Variants in NAT14 observed in about 807,000 individuals in gnomAD.
NAT14 encodes the protein N-acetyltransferase 14 (putative).
A neutral mutation model predicts 12.1 loss-of-function variants in NAT14; 14 were observed. The observed-to-expected ratio is 1.16, with a 90% CI of 0.76 to 1.81. The LOEUF (loss-of-function observed/expected upper bound fraction) is 1.81, where lower values mean the gene tolerates loss of function less well. Ranked by LOEUF, NAT14 falls within the 40% of genes most tolerant of loss-of-function variation. The probability of loss-of-function intolerance (pLI) is 0.00; values close to 1 mark genes in which losing one functional copy is unlikely to be tolerated. For missense variants in NAT14, 341 were observed against 304.3 expected (o/e 1.12, Z -0.90); for synonymous variants, 156 against 145.1 (o/e 1.08, Z -0.54).
chr19:55,486,271 C>A, intron 2 of NAT14, 137 bp from the exon 3 acceptor site: 1 of 1,163,922 alleles, frequency 8.6e-7, no homozygotes, highest in Non-Finnish European at 1.1e-6. Flanking sequence ...ACCCAGTGTG[C>A]CACACTGAAC....
intron 1 of NAT14, 77 bp from the exon 2 acceptor site, chr19:55,485,584 T>C (rs754966327): frequency 9.2e-6 from 7 of 761,454 alleles, no homozygotes; most frequent in Non-Finnish European, 1.5e-5. Flanking sequence ...GAAGTGCCGT[T>C]GCTGCTCCCT....
chr19:55,486,130 A>C, intron 2 of NAT14: 1 of 544,584 alleles, frequency 1.8e-6, no homozygotes, highest in Non-Finnish European at 3.2e-6. Flanking sequence ...CCTCCACTCC[A>C]GCCTGAGGCA....
chr19:55,487,382 G>A lies in NAT14; in HGVS notation c.*426G>A. 2.4e-6 allele frequency: 1 copy of A among 409,524 alleles called. No individual in the cohort carries two copies. The highest frequency in any genetic ancestry group is 4.3e-6 in the Non-Finnish European group (1 of 232,788). The allele number at this position is 409,524 out of a possible 1,614,324, so 25.4% of individuals were successfully genotyped here. A position where few individuals can be genotyped will look rare whatever the true frequency, so the allele number is the denominator to read the frequency against. ...AGGGTTTGCGACTCCGCCTCCCTGG[G>A]ACCTGGATTGGGTCAGATGCCTGTC... is the stretch of plus-strand genomic sequence containing the variant. On this transcript the variant is annotated 3_prime_UTR_variant, in exon 3 of 3. Coordinates refer to ENST00000205194, the MANE Select transcript of NAT14 (RefSeq NM_020378.4).
Position 55,487,280 on chromosome 19 carries a change from T to C in NAT14, c.*324T>C, listed in dbSNP as rs565709373. The C allele has an allele frequency of 1.2e-3, 524 of 452,800 alleles. 2 individuals carry two copies. The highest frequency in any genetic ancestry group is 9.4e-3 in the African/African-American group (460 of 49,006). 28.0% of individuals were successfully genotyped at this position (452,800 alleles called of 1,614,324 possible). On this transcript the variant is annotated 3_prime_UTR_variant, in exon 3 of 3. Coordinates refer to ENST00000205194, the MANE Select transcript of NAT14 (RefSeq NM_020378.4). ...CTCCCCGGGTGATGTCTGCAAAGTC[T>C]GTGCTGTCCGTGCCCCAGGCTGGGA...
At chr19:55,485,993 C>T (rs1353139326) in intron 2 of NAT14, 3 of 597,412 alleles carry the variant, frequency 5.0e-6, no homozygotes, top group East Asian at 2.7e-5. Context: ...CCAGCACCAA[C>T]GCCCTCCCTG....
intron 2 of NAT14, chr19:55,486,158 TC>T: frequency 1.7e-6 from 1 of 578,832 alleles, no homozygotes; most frequent in East Asian, 2.9e-5. Flanking sequence ...TGTCCTTACT[TC>T]CCTGGGGCCT....
In NAT14 at chr19:55,486,862, T is replaced by C. The variant is rs772204792; in HGVS notation, c.527T>C (p.Val176Ala). 2 of 1,462,976 alleles carry C rather than the reference T, an allele frequency of 1.4e-6. No individual in the cohort carries two copies. Among genetic ancestry groups the C allele is most frequent in the Non-Finnish European group, 1.8e-6 (2 of 1,114,702 alleles). The allele number at this position is 1,462,976 out of a possible 1,614,324, so 90.6% of individuals were successfully genotyped here. A position where few individuals can be genotyped will look rare whatever the true frequency, so the allele number is the denominator to read the frequency against. ...VVPVAVAAWG[V>A]GGMLEGCGYQ... is the part of the protein sequence containing the mutation. ...CCCGTGGCTGTGGCCGCCTGGGGGGTGGGAGGGATGCTGGAGGGCTGTGGC... is the reference window on the plus strand; with the variant it reads ...CCCGTGGCTGTGGCCGCCTGGGGGGCGGGAGGGATGCTGGAGGGCTGTGGC... Residue 176 changes from valine to alanine, a missense_variant, in exon 3 of 3, where the codon GTG becomes GCG. Physicochemically the swap from Val to Ala is moderately conservative, Grantham distance 64. Transcript: ENST00000205194.
chr19:55,487,117 T>G lies in NAT14; in HGVS notation c.*161T>G. 1 of 1,106,684 alleles carries G rather than the reference T, an allele frequency of 9.0e-7. No homozygotes were observed. Among genetic ancestry groups the G allele is most frequent in the Non-Finnish European group, 1.2e-6 (1 of 813,802 alleles). The allele number at this position is 1,106,684 out of a possible 1,614,324, so 68.6% of individuals were successfully genotyped here. On this transcript the variant is annotated 3_prime_UTR_variant, in exon 3 of 3. Coordinates refer to ENST00000205194, the MANE Select transcript of NAT14 (RefSeq NM_020378.4). ...GCCGAGGGGAGGAGCCTGGCCTCTG[T>G]CCACCCGTCAGCAGTGTGAAGTCTG... is the stretch of plus-strand genomic sequence containing the variant.
rs1986928739 is a variant in NAT14, at chr19:55,486,702, GC to G, written c.370del (p.Arg124GlyfsTer76). 1 of 1,423,172 alleles carries G rather than the reference GC, an allele frequency of 7.0e-7. No homozygotes were observed. Among genetic ancestry groups the G allele is most frequent in the Non-Finnish European group, 9.1e-7 (1 of 1,100,236 alleles). The allele number at this position is 1,423,172 out of a possible 1,614,324, so 88.2% of individuals were successfully genotyped here. On this transcript the variant is annotated frameshift_variant, in exon 3 of 3. Coordinates refer to ENST00000205194, the MANE Select transcript of NAT14 (RefSeq NM_020378.4). LOFTEE classifies it high-confidence loss of function. ...LAPGTNAGDG[A>X]RVTRLSVSRW... Reference sequence around the variant, plus strand: ...CCCTGGCACAAATGCAGGGGACGGGGCCCGGGTCACCCGCCTGTCTGTCTCT... The same window carrying G: ...CCCTGGCACAAATGCAGGGGACGGGGCCGGGTCACCCGCCTGTCTGTCTCT...
chr19:55,486,715 G>A lies in NAT14; in HGVS notation c.380G>A (p.Arg127His), dbSNP rs772078349. 1.3e-5 allele frequency: 18 copies of A among 1,418,936 alleles called. No homozygotes were observed. In the Admixed American group the frequency reaches 1.9e-4, roughly 15 times the overall value. 87.9% of individuals were successfully genotyped at this position (1,418,936 alleles called of 1,614,324 possible). Residue 127 changes from arginine to histidine, a missense_variant, in exon 3 of 3, where the codon CGC becomes CAC. Physicochemically the swap from Arg to His is conservative, Grantham distance 29 (BLOSUM62 0). Coordinates refer to ENST00000205194, the MANE Select transcript of NAT14 (RefSeq NM_020378.4). Reference sequence around the variant, plus strand: ...GCAGGGGACGGGGCCCGGGTCACCCGCCTGTCTGTCTCTCGCTGGCACCGC... The same window carrying A: ...GCAGGGGACGGGGCCCGGGTCACCCACCTGTCTGTCTCTCGCTGGCACCGC... Reference protein sequence around the residue: ...TNAGDGARVTRLSVSRWHRRR... With the variant: ...TNAGDGARVTHLSVSRWHRRR...
Position 55,486,401 on chromosome 19 carries a change from C to G in NAT14, c.73-7C>G, listed in dbSNP as rs1277589273. On this transcript the variant is annotated splice_region_variant and splice_polypyrimidine_tract_variant and intron_variant, in intron 2 of 2. Coordinates refer to ENST00000205194, the MANE Select transcript of NAT14 (RefSeq NM_020378.4). ...TCGGATGGCTGAGCCACCCCTCCTG[C>G]CCACAGGCCGGCGTGAAGGACACGG... 1 of 1,445,386 alleles carries G rather than the reference C, an allele frequency of 6.9e-7. No individual in the cohort carries two copies. Among genetic ancestry groups the G allele is most frequent in the Non-Finnish European group, 9.0e-7 (1 of 1,105,076 alleles). The allele number at this position is 1,445,386 out of a possible 1,614,324, so 89.5% of individuals were successfully genotyped here.
Position 55,487,387 on chromosome 19 carries a change from G to A in NAT14, c.*431G>A, listed in dbSNP as rs1480671551. On this transcript the variant is annotated 3_prime_UTR_variant, in exon 3 of 3. Transcript: ENST00000205194. Reference sequence around the variant, plus strand: ...TTGCGACTCCGCCTCCCTGGGACCTGGATTGGGTCAGATGCCTGTCCTTGG... The same window carrying A: ...TTGCGACTCCGCCTCCCTGGGACCTAGATTGGGTCAGATGCCTGTCCTTGG... 7.3e-6 allele frequency: 3 copies of A among 408,864 alleles called. No homozygotes were observed. The highest frequency in any genetic ancestry group is 1.3e-5 in the Non-Finnish European group (3 of 232,446). The allele number at this position is 408,864 out of a possible 1,614,324, so 25.3% of individuals were successfully genotyped here.
intron 2 of NAT14, chr19:55,485,999 C>T: frequency 1.7e-6 from 1 of 603,914 alleles, no homozygotes; most frequent in South Asian, 2.0e-5. Context: ...CCAACGCCCT[C>T]CCTGGTCTCC....
At chr19:55,486,376 TCGG>T in intron 2 of NAT14, 29 bp from the exon 3 acceptor site, 1 of 1,414,836 alleles carries the variant, frequency 7.1e-7, no homozygotes, top group South Asian at 1.5e-5. Context: ...CCCTAGCGTT[TCGG>T]ATGGCTGAGC....
rs895675893 is a variant in NAT14, at chr19:55,487,147, G to A, written c.*191G>A. On this transcript the variant is annotated 3_prime_UTR_variant, in exon 3 of 3. Coordinates refer to ENST00000205194, the MANE Select transcript of NAT14 (RefSeq NM_020378.4). ...CCGTCAGCAGTGTGAAGTCTGTTGTGTTTGAGCTTCTCAGAGTGGAATGAC... is the reference window on the plus strand; with the variant it reads ...CCGTCAGCAGTGTGAAGTCTGTTGTATTTGAGCTTCTCAGAGTGGAATGAC... 9 of 857,296 alleles carry A rather than the reference G, an allele frequency of 1.0e-5. No individual in the cohort carries two copies. Among genetic ancestry groups the A allele is most frequent in the Non-Finnish European group, 1.5e-5 (9 of 594,134 alleles). 53.1% of individuals were successfully genotyped at this position (857,296 alleles called of 1,614,324 possible).
rs1261839243 is a variant in NAT14 at position 55,487,334 on chromosome 19, C to T, written c.*378C>T. ...CTATCTGGGGAGGGGGAGAGGAGGC[C>T]GAGCAGAATACACCCCAGAGTTAGG... On this transcript the variant is annotated 3_prime_UTR_variant, in exon 3 of 3. Coordinates refer to ENST00000205194, the MANE Select transcript of NAT14 (RefSeq NM_020378.4). The T allele has an allele frequency of 2.3e-6, 1 of 427,536 alleles. No homozygotes were observed. Among genetic ancestry groups the T allele is most frequent in the Non-Finnish European group, 4.1e-6 (1 of 244,194 alleles). 26.5% of individuals were successfully genotyped at this position (427,536 alleles called of 1,614,324 possible).
chr19:55,485,747 A>C lies in NAT14; in HGVS notation c.39A>C (p.Glu13Asp). ...PSHLSVREMR[E>D]DEKPLVLEML... ...ACCTGTCAGTGCGGGAGATGAGGGA[A>C]GATGAGAAGCCCCTGGTGCTGGAGA... The change falls in exon 2 of 3, where the codon GAA becomes GAC. Residue 13 changes from glutamate to aspartate, a missense_variant. Glu to Asp is a conservative substitution (Grantham distance 45). Transcript: ENST00000205194. 1 of 1,551,112 alleles carries C rather than the reference A, an allele frequency of 6.4e-7. No individual in the cohort carries two copies. Among genetic ancestry groups the C allele is most frequent in the Non-Finnish European group, 8.7e-7 (1 of 1,146,648 alleles).
chr19:55,486,963 A>G lies in NAT14; in HGVS notation c.*7A>G, dbSNP rs8113269. The G allele has an allele frequency of 4.3e-3, 6,675 of 1,549,236 alleles. 201 individuals are homozygous for G. In the African/African-American group the frequency reaches 0.074, roughly 17 times the overall value. On this transcript the variant is annotated 3_prime_UTR_variant, in exon 3 of 3. Transcript: ENST00000205194. ...ATTCAGCAAAGACCTGTGAAGCTAC[A>G]GACTGACAGCCAGGGCAGGGGAGGA...
In NAT14 at chr19:55,485,673, A is replaced by G; in HGVS notation, c.-36A>G. 1.3e-6 allele frequency: 2 copies of G among 1,526,286 alleles called. No homozygotes were observed. The highest frequency in any genetic ancestry group is 8.9e-7 in the Non-Finnish European group (1 of 1,124,452). The allele number at this position is 1,526,286 out of a possible 1,614,324, so 94.5% of individuals were successfully genotyped here. On this transcript the variant is annotated 5_prime_UTR_variant, in exon 2 of 3. Transcript: ENST00000205194. The stretch of plus-strand genomic sequence containing the variant: ...ATGTTCTCACCAGGTGCACGACGCC[A>G]GCTCCCTTCTGGGGGGCCGGGGCCT...
Sources: gnomAD v4.1 joint callset for allele counts on GRCh38, gnomAD v4.1.1 for gene constraint, MANE v1.5 for transcripts, NCBI Gene and HGNC (gene_info 2026-07-23, HGNC 2026-07-21) for gene names.